NBEAL1: variants seen among roughly 807,000 people sequenced by gnomAD.
The protein encoded by NBEAL1 is neurobeachin like 1, also known as neurobeachin-like protein 1.
A neutral mutation model predicts 351.3 loss-of-function variants in NBEAL1; 273 were observed. The observed-to-expected ratio is 0.78, with a 90% CI of 0.70 to 0.86. NBEAL1 has a LOEUF of 0.86. NBEAL1 is among the 40% of genes least tolerant of loss of function. The pLI is 0.00. For synonymous variants in NBEAL1, 1,050 were observed against 1,086.4 expected, an observed-to-expected ratio of 0.97 and a Z score of 0.66; for missense variants, 2,961 against 3,201.3, an observed-to-expected ratio of 0.92 and a Z score of 1.81.
intron 10 of NBEAL1, among the ~76,000 whole-genome samples, chr2:203,091,997 A>T (rs895147587): frequency 6.6e-6 from 1 of 152,214 alleles, no homozygotes; most frequent in African/African-American, 2.4e-5. Context: ...ACCATAATTT[A>T]CTTAACTACA....
rs181430868 is a variant in NBEAL1 at position 203,168,801 on chromosome 2, G to A, written c.5998-946G>A. 4.7e-3 allele frequency among the ~76,000 whole-genome samples: 700 copies of A among 150,500 alleles called. 8 individuals carry two copies. Among genetic ancestry groups the A allele is most frequent in the African/African-American group, 0.016 (660 of 41,024 alleles). ...GCCAGCTACTCGAGAGGCTGAGGTA[G>A]GAGAATTGCTTGAACTCTGGAGGCA... is the stretch of plus-strand genomic sequence containing the variant. On this transcript the variant is annotated intron_variant, in intron 38 of 55. Coordinates refer to ENST00000683969, the MANE Select transcript of NBEAL1 (RefSeq NM_001378026.1).
chr2:203,063,731 T>C (rs1397021116), intron 6 of NBEAL1, among the ~76,000 whole-genome samples: 1 of 152,186 alleles, frequency 6.6e-6, no homozygotes, highest in Non-Finnish European at 1.5e-5. Flanking sequence ...AATTTAATTA[T>C]GTTAAGGTAT....
rs34311199 is a variant in NBEAL1 at position 203,176,171 on chromosome 2, CTTTT to C, written c.6464+901_6464+904del. Among the ~76,000 whole-genome samples the C allele has an allele frequency of 5.7e-5, 7 of 122,886 alleles. No individual in the cohort carries two copies. The East Asian group carries it at 7.4e-4, about 13-fold the overall frequency. The allele number at this position is 122,886 out of a possible 152,430, so 80.6% of individuals were successfully genotyped here. ...AAGATCCAGTTATACTTTATTGCAT[CTTTT>C]TTTTTTTTTTTTTTTTGAGACAGAG... On this transcript the variant is annotated intron_variant, in intron 42 of 55. Transcript: ENST00000683969.
chr2:203,063,464 G>A (rs1291420638), intron 6 of NBEAL1, among the ~76,000 whole-genome samples: 1 of 149,542 alleles, frequency 6.7e-6, no homozygotes, highest in East Asian at 2.0e-4. Context: ...GAGGGAGGGA[G>A]GGAGGGAGAG....
At position 203,135,943 on chromosome 2, in the gene NBEAL1, G is replaced by A. The variant is rs2063194013; in HGVS notation, c.4080G>A (p.Leu1360=). 6.2e-7 allele frequency: 1 copy of A among 1,614,034 alleles called. No individual in the cohort carries two copies. The highest frequency in any genetic ancestry group is 1.3e-5 in the African/African-American group (1 of 74,930). Residue 1360 remains leucine (L), a synonymous_variant, in exon 28 of 56, where the codon TTG becomes TTA. Coordinates refer to ENST00000683969, the MANE Select transcript of NBEAL1 (RefSeq NM_001378026.1). ...SANVSSDQWS[L]EDRHSLDSNT... is the part of the protein sequence containing the mutation. ...ATGTGTCTTCGGATCAGTGGAGTTT[G>A]GAGGATAGACACTCTTTAGACTCAA...
chr2:203,171,761 G>C (rs1286150048), intron 39 of NBEAL1, among the ~76,000 whole-genome samples, 167 bp from the exon 40 acceptor site: 1 of 148,440 alleles, frequency 6.7e-6, no homozygotes, highest in Non-Finnish European at 1.5e-5. Context: ...CTTTTTTAGA[G>C]ACCAATATTT....
At chr2:203,158,677 CTTTG>C (rs1553621459) in intron 36 of NBEAL1, among the ~76,000 whole-genome samples, 3 of 151,922 alleles carry the variant, frequency 2.0e-5, no homozygotes, top group Non-Finnish European at 1.5e-5. Flanking sequence ...GTTATTTATG[CTTTG>C]TTTGCTACAT....
chr2:203,071,546 T>C (rs1332078962), intron 7 of NBEAL1, among the ~76,000 whole-genome samples: 1 of 152,202 alleles, frequency 6.6e-6, no homozygotes, highest in African/African-American at 2.4e-5. Context: ...CCCCCATTCA[T>C]GTACTTAACA....
rs2063274589 is a variant in NBEAL1 at position 203,138,318 on chromosome 2, G to A, written c.4719+3G>A. 2 of 1,604,352 alleles carry A rather than the reference G, an allele frequency of 1.2e-6. No homozygotes were observed. Among genetic ancestry groups the A allele is most frequent in the East Asian group, 2.2e-5 (1 of 44,838 alleles). ...ATTCAAACATGTGGACCGAGAAGGT[G>A]CAGTAATATCTCTTTAAAATTATAT... is the stretch of plus-strand genomic sequence containing the variant. On this transcript the variant is annotated splice_donor_region_variant and intron_variant, in intron 30 of 55. Transcript: ENST00000683969.
Position 203,220,108 on chromosome 2 carries a change from G to A in NBEAL1, c.*2754G>A, listed in dbSNP as rs2065938908. On this transcript the variant is annotated 3_prime_UTR_variant, in exon 56 of 56. Coordinates refer to ENST00000683969, the MANE Select transcript of NBEAL1 (RefSeq NM_001378026.1). ...GAAATTAGTTATATATTATATAATG[G>A]GAGAAATGAACAGTATCATTGGAAT... Among the ~76,000 whole-genome samples the A allele has an allele frequency of 6.6e-6, 1 of 152,082 alleles. No individual in the cohort carries two copies. The highest frequency in any genetic ancestry group is 6.6e-5 in the Admixed American group (1 of 15,266).
intron 26 of NBEAL1, 112 bp downstream of exon 26, chr2:203,132,244 G>C (rs1334750298): frequency 2.9e-6 from 2 of 695,746 alleles, no homozygotes; most frequent in South Asian, 2.3e-5. Context: ...ATTCAGCAGG[G>C]CCTTCCTTGG....
Position 203,224,196 on chromosome 2 carries a change from T to A in NBEAL1, c.*6842T>A, listed in dbSNP as rs1427405012. On this transcript the variant is annotated 3_prime_UTR_variant, in exon 56 of 56. Coordinates refer to ENST00000683969, the MANE Select transcript of NBEAL1 (RefSeq NM_001378026.1). The stretch of plus-strand genomic sequence containing the variant: ...GTTTTTTTCCTATTCTGCTTTTTGC[T>A]GCTCTCAAAGACTGTGATTGATGAA... Among the ~76,000 whole-genome samples the A allele has an allele frequency of 6.6e-6, 1 of 152,098 alleles. No individual in the cohort carries two copies. Among genetic ancestry groups the A allele is most frequent in the Non-Finnish European group, 1.5e-5 (1 of 67,916 alleles).
chr2:203,130,168 A>AT, intron 24 of NBEAL1, 150 bp from the exon 25 acceptor site: 1 of 773,510 alleles, frequency 1.3e-6, no homozygotes, highest in Non-Finnish European at 1.9e-6. Context: ...TCTCAAAAGA[A>AT]TTTTTTTAAA....
At chr2:203,095,064 C>T (rs983952168) in intron 10 of NBEAL1, among the ~76,000 whole-genome samples, 6 of 151,252 alleles carry the variant, frequency 4.0e-5, no homozygotes, top group Non-Finnish European at 7.4e-5. Context: ...GTGGAGGTTG[C>T]GGTGAGCCGA....
chr2:203,039,827 C>T (rs532086504), intron 2 of NBEAL1, among the ~76,000 whole-genome samples: 24 of 152,296 alleles, frequency 1.6e-4, no homozygotes, highest in African/African-American at 5.5e-4. Flanking sequence ...CAGTACCAGC[C>T]ACTATTTAAG....
intron 10 of NBEAL1, among the ~76,000 whole-genome samples, chr2:203,096,944 A>G (rs2106202744): frequency 6.6e-6 from 1 of 152,214 alleles, no homozygotes; most frequent in Middle Eastern, 3.4e-3. Context: ...GTATTAGTCC[A>G]TTTTCATGCT....
intron 31 of NBEAL1, among the ~76,000 whole-genome samples, chr2:203,142,386 C>T (rs572645245): frequency 1.3e-5 from 2 of 152,104 alleles, no homozygotes; most frequent in Non-Finnish European, 2.9e-5. Context: ...AAACTCCTGA[C>T]CTCAGGTGAT....
At chr2:203,159,762 ATAGT>A (rs1359393324) in intron 36 of NBEAL1, among the ~76,000 whole-genome samples, 1 of 152,142 alleles carries the variant, frequency 6.6e-6, no homozygotes, top group Non-Finnish European at 1.5e-5. Flanking sequence ...GAGGAGTATA[ATAGT>A]TAGATCATAT....
At chr2:203,093,352 T>C (rs1480430587) in intron 10 of NBEAL1, among the ~76,000 whole-genome samples, 1 of 151,256 alleles carries the variant, frequency 6.6e-6, no homozygotes, top group Non-Finnish European at 1.5e-5. Context: ...AACTCAGATA[T>C]AACAAATTTC....
Sources: allele counts gnomAD v4.1 joint callset (sites outside exome capture counted in the v4.1 genomes callset), GRCh38; gene constraint gnomAD v4.1.1; transcripts MANE v1.5; gene names NCBI Gene and HGNC (gene_info 2026-07-23, HGNC 2026-07-21).